The following MICU1 variants were observed in gnomAD, a reference collection of about 807,000 sequenced individuals.
MICU1 encodes calcium uptake protein 1, mitochondrial.
MICU1 carries 45 observed loss-of-function variants against 56.8 expected under a neutral mutation model. That is an observed-to-expected ratio of 0.79 (90% CI 0.62 to 1.02). MICU1 has a LOEUF of 1.02. Among genes scored for constraint, MICU1 ranks in the 50% least tolerant of loss-of-function variants. MICU1 has a pLI of 0.00. For synonymous variants in MICU1, 186 were observed against 195.1 expected (o/e 0.95, Z 0.39); for missense variants, 504 against 587.1 (o/e 0.86, Z 1.46).
rs551166998 is a variant in MICU1, at chr10:72,471,440, A to G, written c.933+3660T>C. ...CTATAGCATCTCAGTATGCAAGACA[A>G]AAGTCCTATGCTCTGTTTCTCTAGG... On this transcript the variant is annotated intron_variant, in intron 8 of 11. Transcript: ENST00000361114. Among the ~76,000 whole-genome samples, 3 of 152,290 alleles carry G rather than the reference A, an allele frequency of 2.0e-5. No homozygotes were observed. The East Asian group carries it at 5.8e-4, about 29-fold the overall frequency.
intron 10 of MICU1, among the ~76,000 whole-genome samples, chr10:72,376,592 C>T (rs1343899462): frequency 4.6e-5 from 7 of 152,052 alleles, no homozygotes; most frequent in South Asian, 4.1e-4. Flanking sequence ...GCTGAGATGG[C>T]GCCACTGTAC....
chr10:72,482,415 G>A (rs1452009649), intron 6 of MICU1, among the ~76,000 whole-genome samples: 2 of 152,090 alleles, frequency 1.3e-5, no homozygotes, highest in African/African-American at 2.4e-5. Flanking sequence ...TGAGGTAATT[G>A]ATATGCAATG....
At chr10:72,401,590 G>T (rs550168098) in intron 10 of MICU1, among the ~76,000 whole-genome samples, 61 of 152,288 alleles carry the variant, frequency 4.0e-4, no homozygotes, top group Admixed American at 1.0e-3. Flanking sequence ...GAAGGCGAAG[G>T]TTGCAGTAAG....
In MICU1 at chr10:72,375,777, A is replaced by G. The variant is rs768047330; in HGVS notation, c.1270+6T>C. The G allele has an allele frequency of 1.2e-6, 2 of 1,611,372 alleles. No homozygotes were observed. Among genetic ancestry groups the G allele is most frequent in the Non-Finnish European group, 1.7e-6 (2 of 1,178,884 alleles). Reference sequence around the variant, plus strand: ...TCCCCTCCGGGCTCCAGAGGGCCCCACTCACCATCACAGTCAAAGAGTGCA... The same window carrying G: ...TCCCCTCCGGGCTCCAGAGGGCCCCGCTCACCATCACAGTCAAAGAGTGCA... On this transcript the variant is annotated splice_donor_region_variant and intron_variant, in intron 11 of 11. Coordinates refer to ENST00000361114, the MANE Select transcript of MICU1 (RefSeq NM_001195518.2).
chr10:72,608,998 A>G (rs1460737794), intron 1 of MICU1, among the ~76,000 whole-genome samples: 3 of 152,254 alleles, frequency 2.0e-5, no homozygotes, highest in Non-Finnish European at 4.4e-5. Context: ...TTGCTCAATT[A>G]AGCTCTGTTA....
intron 1 of MICU1, among the ~76,000 whole-genome samples, chr10:72,620,374 CA>C (rs2132589408): frequency 6.6e-6 from 1 of 152,056 alleles, no homozygotes; most frequent in South Asian, 2.1e-4. Flanking sequence ...TTAGTAGAGA[CA>C]GGGTTTCACC....
At chr10:72,512,097 G>GTTTTTTTTT (rs1867471926) in intron 5 of MICU1, among the ~76,000 whole-genome samples, 6 of 100,690 alleles carry the variant, frequency 6.0e-5, no homozygotes, top group African/African-American at 2.5e-4. Flanking sequence ...TCCATACACA[G>GTTTTTTTTT]TTGTTTTTTG....
intron 3 of MICU1, among the ~76,000 whole-genome samples, chr10:72,553,620 A>G (rs1840091183): frequency 6.6e-6 from 1 of 152,230 alleles, no homozygotes; most frequent in Admixed American, 6.5e-5. Context: ...TGTTTGGGGT[A>G]TATGAGCAGC....
chr10:72,611,297 C>T (rs1334706914), intron 1 of MICU1, among the ~76,000 whole-genome samples: 1 of 140,590 alleles, frequency 7.1e-6, no homozygotes, highest in East Asian at 2.2e-4. Flanking sequence ...AGCGAGACTC[C>T]CTTTAAAAAA....
chr10:72,474,036 C>T (rs1031965564), intron 8 of MICU1, among the ~76,000 whole-genome samples: 2 of 151,952 alleles, frequency 1.3e-5, no homozygotes, highest in Middle Eastern at 3.4e-3. Flanking sequence ...GCAGGAGGAT[C>T]ACATGAGGTC....
chr10:72,423,242 C>T lies in MICU1; in HGVS notation c.1063G>A (p.Glu355Lys). The change falls in exon 9 of 12, where the codon GAA (glutamate) becomes AAA (lysine). Residue 355 changes from glutamate to lysine, a missense_variant. Glu to Lys is a moderately conservative substitution (Grantham distance 56). Coordinates refer to ENST00000361114, the MANE Select transcript of MICU1 (RefSeq NM_001195518.2). The stretch of plus-strand genomic sequence containing the variant: ...CAGCCAAAGCTACCTACCTTTCCTT[C>T]TTTGAAGTGCTTCTTGAGCTGCCTC... ...MQRQLKKHFK[E>K]GKGLTFQEVE... The T allele has an allele frequency of 6.2e-7, 1 of 1,613,392 alleles. No individual in the cohort carries two copies. Among genetic ancestry groups the T allele is most frequent in the Non-Finnish European group, 8.5e-7 (1 of 1,179,644 alleles).
chr10:72,594,251 A>G (rs916897831), intron 1 of MICU1, among the ~76,000 whole-genome samples: 2 of 152,214 alleles, frequency 1.3e-5, no homozygotes, highest in East Asian at 1.9e-4. Flanking sequence ...AGATCATTCA[A>G]TGAGGGAAAG....
intron 1 of MICU1, among the ~76,000 whole-genome samples, chr10:72,586,016 T>TTTC (rs1564948530): frequency 5.4e-5 from 7 of 129,320 alleles, no homozygotes; most frequent in Non-Finnish European, 1.2e-4. Flanking sequence ...TTTTTTTCTT[T>TTTC]TTTTTTTTTT....
chr10:72,370,207 A>T (rs1862287357), intron 11 of MICU1, among the ~76,000 whole-genome samples: 1 of 151,980 alleles, frequency 6.6e-6, no homozygotes, highest in African/African-American at 2.4e-5. Flanking sequence ...AAACCACCCA[A>T]GCCACACAGA....
chr10:72,471,159 A>G (rs1354668537), intron 8 of MICU1, among the ~76,000 whole-genome samples: 1 of 152,076 alleles, frequency 6.6e-6, no homozygotes, highest in Non-Finnish European at 1.5e-5. Context: ...ATCTTGGCTT[A>G]CTGCAACCTC....
At chr10:72,571,966 AAGG>A (rs1840621256) in intron 1 of MICU1, among the ~76,000 whole-genome samples, 1 of 152,070 alleles carries the variant, frequency 6.6e-6, no homozygotes, top group Non-Finnish European at 1.5e-5. Flanking sequence ...GGAAGATAAA[AAGG>A]AGAAATAAAT....
chr10:72,603,561 T>A (rs1298702291), intron 1 of MICU1, among the ~76,000 whole-genome samples: 1 of 151,850 alleles, frequency 6.6e-6, no homozygotes, highest in Non-Finnish European at 1.5e-5. Context: ...CTCACACCTA[T>A]AATCCCAGCA....
At chr10:72,437,021 C>T (rs1380864436) in intron 8 of MICU1, among the ~76,000 whole-genome samples, 1 of 152,130 alleles carries the variant, frequency 6.6e-6, no homozygotes, top group African/African-American at 2.4e-5. Context: ...GGCAGGCCAA[C>T]ATTCAAATTC....
chr10:72,464,348 A>G (rs1477995587), intron 8 of MICU1, among the ~76,000 whole-genome samples: 1 of 150,912 alleles, frequency 6.6e-6, no homozygotes, highest in Non-Finnish European at 1.5e-5. Flanking sequence ...TTTTACACAC[A>G]TGCACGTGTG....
Sources: allele counts gnomAD v4.1 joint callset (sites outside exome capture counted in the v4.1 genomes callset), GRCh38; gene constraint gnomAD v4.1.1; transcripts MANE v1.5; gene names NCBI Gene and HGNC (gene_info 2026-07-23, HGNC 2026-07-21).